The following ZNF493 variants were observed in gnomAD, a reference collection of about 807,000 sequenced individuals.
ZNF493 encodes zinc finger protein 493.
A neutral mutation model predicts 12.2 loss-of-function variants in ZNF493; 11 were observed. The observed-to-expected ratio is 0.90, with a 90% confidence interval of 0.57 to 1.50. The LOEUF is 1.50. Among genes scored for constraint, ZNF493 ranks in the 40% most tolerant of loss-of-function variants. The pLI is 0.00. For missense variants in ZNF493, 950 were observed against 906.6 expected (o/e 1.05, Z -0.61); for synonymous variants, 286 against 302.6 (o/e 0.95, Z 0.57).
chr19:21,405,411 T>G (rs2030089530), intron 2 of ZNF493, 156 bp downstream of exon 2: 5 of 1,447,954 alleles, frequency 3.5e-6, no homozygotes, highest in Non-Finnish European at 4.5e-6. Context: ...GGAAAAAAAT[T>G]TCTTCAGGAT....
At chr19:21,410,068 A>G (rs943657616) in intron 3 of ZNF493, among the ~76,000 whole-genome samples, 9 of 122,694 alleles carry the variant, frequency 7.3e-5, no homozygotes, top group East Asian at 6.1e-4. Context: ...GTGTATATAT[A>G]TATATATATA....
chr19:21,402,603 G>A (rs2029986080), intron 1 of ZNF493, among the ~76,000 whole-genome samples: 1 of 152,170 alleles, frequency 6.6e-6, no homozygotes, highest in South Asian at 2.1e-4. Flanking sequence ...TTACAAGACA[G>A]GGCCAGACTT....
chr19:21,406,186 C>T (rs1568378137), intron 3 of ZNF493, among the ~76,000 whole-genome samples: 1 of 151,634 alleles, frequency 6.6e-6, no homozygotes, highest in Non-Finnish European at 1.5e-5. Flanking sequence ...GGTGCCACTG[C>T]ACTCCAGCCT....
chr19:21,410,541 A>C (rs549720850), intron 3 of ZNF493, among the ~76,000 whole-genome samples: 1 of 152,226 alleles, frequency 6.6e-6, no homozygotes, highest in South Asian at 2.1e-4. Flanking sequence ...TTGCTCATCT[A>C]TAAATTAATT....
rs758491482 is a variant in ZNF493 at position 21,423,670 on chromosome 19, T to A, written c.1011T>A (p.Thr337=). The change falls in exon 4 of 4, where the codon ACT becomes ACA. Residue 337 remains threonine (T), a synonymous_variant. Transcript: ENST00000392288. The stretch of plus-strand genomic sequence containing the variant: ...CCTTTAGTATTTTCTCAACCCCTAC[T>A]AAACATAAGATAATTCACACTGAAG... ...GKAFSIFSTP[T]KHKIIHTEEK... is the part of the protein sequence containing the mutation. The A allele has an allele frequency of 1.2e-5, 19 of 1,611,334 alleles. No homozygotes were observed. The highest frequency in any genetic ancestry group is 1.5e-5 in the Non-Finnish European group (18 of 1,179,788).
At chr19:21,402,624 A>T (rs1229345957) in intron 1 of ZNF493, among the ~76,000 whole-genome samples, 1 of 152,198 alleles carries the variant, frequency 6.6e-6, no homozygotes, top group African/African-American at 2.4e-5. Flanking sequence ...TCAATTGTGA[A>T]TGTAATGAAA....
rs754079989 is a variant in ZNF493 at position 21,422,941 on chromosome 19, T to C, written c.282T>C (p.Phe94=). 2 of 1,568,688 alleles carry C rather than the reference T, an allele frequency of 1.3e-6. No individual in the cohort carries two copies. The highest frequency in any genetic ancestry group is 2.3e-5 in the East Asian group (1 of 44,400). The change falls in exon 4 of 4, where the codon TTT becomes TTC. Residue 94 remains phenylalanine, a synonymous_variant. Coordinates refer to ENST00000392288, the MANE Select transcript of ZNF493 (RefSeq NM_001076678.3). ...TATGTTCTCATTTTGCTGAAGACTT[T>C]TGCCCAGGGCCAGGCATTAAAGATT... is the stretch of plus-strand genomic sequence containing the variant. ...PVICSHFAED[F]CPGPGIKDSF...
chr19:21,425,028 G>A lies in ZNF493; in HGVS notation c.*44G>A. The A allele has an allele frequency of 6.4e-7, 1 of 1,567,828 alleles. No individual in the cohort carries two copies. Among genetic ancestry groups the A allele is most frequent in the South Asian group, 1.2e-5 (1 of 82,624 alleles). On this transcript the variant is annotated 3_prime_UTR_variant, in exon 4 of 4. Transcript: ENST00000392288. The stretch of plus-strand genomic sequence containing the variant: ...TTACTGCTCCTATTCCCTTACTAAA[G>A]AATGTGGCAAAGCTTTTCACCAGTA...
intron 3 of ZNF493, among the ~76,000 whole-genome samples, chr19:21,421,230 ATTTG>A (rs2030669169): frequency 6.6e-6 from 1 of 151,018 alleles, no homozygotes; most frequent in Admixed American, 6.6e-5. Context: ...TACCTCCCTA[ATTTG>A]TTTACTAATG....
chr19:21,416,272 C>T (rs1309187007), intron 3 of ZNF493, among the ~76,000 whole-genome samples: 1 of 152,028 alleles, frequency 6.6e-6, no homozygotes, highest in East Asian at 1.9e-4. Flanking sequence ...ATACCAGGGA[C>T]ATACCCCATT....
rs187572017 is a variant in ZNF493 at position 21,399,848 on chromosome 19, G to A, written c.30+2581G>A. ...TGAATACATTTCCATGAGAAAATGCGGTAGGTAATTGGTGAGTTACGTAGA... is the reference window on the plus strand; with the variant it reads ...TGAATACATTTCCATGAGAAAATGCAGTAGGTAATTGGTGAGTTACGTAGA... On this transcript the variant is annotated intron_variant, in intron 1 of 3. Transcript: ENST00000392288. Among the ~76,000 whole-genome samples, 497 of 152,172 alleles carry A rather than the reference G, an allele frequency of 3.3e-3. 9 individuals carry two copies. The highest frequency in any genetic ancestry group is 0.011 in the African/African-American group (476 of 41,512).
intron 1 of ZNF493, among the ~76,000 whole-genome samples, chr19:21,399,244 T>G (rs1325572591): frequency 1.3e-5 from 2 of 152,074 alleles, no homozygotes; most frequent in African/African-American, 4.8e-5. Context: ...CGCTGAAAGC[T>G]CTCCCTCCCG....
Position 21,424,612 on chromosome 19 carries a change from TA to T in ZNF493, c.1954del (p.Ser652ValfsTer26), listed in dbSNP as rs530680240. The T allele has an allele frequency of 4.9e-4, 792 of 1,613,312 alleles. No homozygotes were observed. The highest frequency in any genetic ancestry group is 6.2e-4 in the Non-Finnish European group (733 of 1,179,744). Reference sequence around the variant, plus strand: ...ACCTCGCTGGGCACAAGCAAATTCATAGTGTACAAAAACCCTACAAATGTGA... The same window carrying T: ...ACCTCGCTGGGCACAAGCAAATTCATGTGTACAAAAACCCTACAAATGTGA... ...SHLAGHKQIH[S>X]VQKPYKCEEC... On this transcript the variant is annotated frameshift_variant, in exon 4 of 4. Coordinates refer to ENST00000392288, the MANE Select transcript of ZNF493 (RefSeq NM_001076678.3). LOFTEE classifies it low-confidence loss of function (END_TRUNC).
At position 21,425,185 on chromosome 19, in the gene ZNF493, A is replaced by G; in HGVS notation, c.*201A>G. The G allele has an allele frequency of 2.9e-6, 2 of 688,638 alleles. No individual in the cohort carries two copies. Among genetic ancestry groups the G allele is most frequent in the South Asian group, 1.7e-5 (1 of 57,824 alleles). The allele number at this position is 688,638 out of a possible 1,614,324, so 42.7% of individuals were successfully genotyped here. A position where few individuals can be genotyped will look rare whatever the true frequency, so the allele number is the denominator to read the frequency against. ...ATAATTCATATTGGAGAGAAATTCT[A>G]CAGATGTGAAGAATGTGGCAAAGGC... On this transcript the variant is annotated 3_prime_UTR_variant, in exon 4 of 4. Transcript: ENST00000392288.
At chr19:21,421,741 A>C (rs2030684166) in intron 3 of ZNF493, among the ~76,000 whole-genome samples, 1 of 152,228 alleles carries the variant, frequency 6.6e-6, no homozygotes, top group Non-Finnish European at 1.5e-5. Context: ...TTCTCCTGGC[A>C]TACTTTGAAC....
chr19:21,404,117 T>C (rs2030038083), intron 1 of ZNF493, among the ~76,000 whole-genome samples: 1 of 152,194 alleles, frequency 6.6e-6, no homozygotes, highest in Admixed American at 6.5e-5. Context: ...ATGGTGTTTA[T>C]TACCCTGAAA....
intron 3 of ZNF493, among the ~76,000 whole-genome samples, chr19:21,416,090 T>C (rs1463837412): frequency 6.6e-6 from 1 of 152,250 alleles, no homozygotes; most frequent in Non-Finnish European, 1.5e-5. Context: ...TCTCTTTATT[T>C]AGCAGCCATT....
rs1200553305 is a variant in ZNF493, at chr19:21,424,546, C to A, written c.1887C>A (p.Tyr629Ter). 10 of 1,613,512 alleles carry A rather than the reference C, an allele frequency of 6.2e-6. No homozygotes were observed. Among genetic ancestry groups the A allele is most frequent in the Non-Finnish European group, 8.5e-6 (10 of 1,179,854 alleles). The change falls in exon 4 of 4, where the codon TAC (tyrosine) becomes TAA (stop). Residue 629 changes from tyrosine to a stop codon, truncating the protein, a stop_gained. Coordinates refer to ENST00000392288, the MANE Select transcript of ZNF493 (RefSeq NM_001076678.3). LOFTEE classifies it low-confidence loss of function (END_TRUNC). ...HKKIHTGEKP[Y>*]KCEECGKAFK... is the part of the protein sequence containing the mutation. ...AAATTCATACTGGAGAAAAACCCTA[C>A]AAATGTGAAGAATGTGGCAAAGCTT...
At position 21,425,756 on chromosome 19, in the gene ZNF493, T is replaced by C. The variant is rs950006998; in HGVS notation, c.*772T>C. On this transcript the variant is annotated 3_prime_UTR_variant, in exon 4 of 4. Coordinates refer to ENST00000392288, the MANE Select transcript of ZNF493 (RefSeq NM_001076678.3). The stretch of plus-strand genomic sequence containing the variant: ...ACCTTACTAAACATAAGATAACTCA[T>C]ACTGGAGAAAAATCTTACAAATGTG... 12 of 599,454 alleles carry C rather than the reference T, an allele frequency of 2.0e-5. No individual in the cohort carries two copies. The highest frequency in any genetic ancestry group is 3.8e-5 in the Non-Finnish European group (12 of 318,952). 37.1% of individuals were successfully genotyped at this position (599,454 alleles called of 1,614,324 possible).
Sources: allele counts gnomAD v4.1 joint callset (sites outside exome capture counted in the v4.1 genomes callset), GRCh38; gene constraint gnomAD v4.1.1; transcripts MANE v1.5; gene names NCBI Gene and HGNC (gene_info 2026-07-23, HGNC 2026-07-21).